The following ZFYVE26 variants were observed in gnomAD, a reference collection of about 807,000 sequenced individuals.
ZFYVE26 encodes zinc finger FYVE domain-containing protein 26.
A neutral mutation model predicts 276.5 loss-of-function variants in ZFYVE26; 181 were observed. The ratio of observed to expected loss-of-function variants is 0.65; its 90% confidence interval spans 0.58 to 0.74. ZFYVE26 has a LOEUF of 0.74. ZFYVE26 is among the 30% of genes least tolerant of loss of function. The pLI, the probability that ZFYVE26 is intolerant of heterozygous loss-of-function variation, is 0.00. For synonymous variants in ZFYVE26, 1,129 were observed against 1,203.1 expected, an observed-to-expected ratio of 0.94 and a Z score of 1.27; for missense variants, 2,821 against 3,097.9, an observed-to-expected ratio of 0.91 and a Z score of 2.12.
At chr14:67,729,306 A>G (rs960170021) in exon 14 of ZFYVE26, 2 of 1,601,854 alleles carry the variant, frequency 1.2e-6, no homozygotes, top group Non-Finnish European at 1.7e-6. Context: ...TCAAGACGGC[A>G]CGGGAGGGGG....
rs1422460981 is a variant in ZFYVE26, at chr14:67,790,778, C to G, written c.2554-5G>C. 1 of 1,613,716 alleles carries G rather than the reference C, an allele frequency of 6.2e-7. No homozygotes were observed. The highest frequency in any genetic ancestry group is 8.5e-7 in the Non-Finnish European group (1 of 1,179,804). ...CAGGTTGAACGTGAACAGCACCTGT[C>G]ATAGGAGAGGGAGTGTGTGGGCCCT... On this transcript the variant is annotated splice_polypyrimidine_tract_variant and splice_region_variant and intron_variant, in intron 14 of 41. Transcript: ENST00000347230.
chr14:67,733,608 A>T (rs1220194721), intron 13 of ZFYVE26: 1 of 621,262 alleles, frequency 1.6e-6, no homozygotes, highest in Non-Finnish European at 3.0e-6. Flanking sequence ...TTTGGAGTGC[A>T]TTTTGTATAA....
rs1436103545 is a variant in ZFYVE26, at chr14:67,735,217, G to C, written n.2680-5398C>G. On this transcript the variant is annotated intron_variant and non_coding_transcript_variant, in intron 13 of 14. Coordinates refer to the ZFYVE26 transcript ENST00000394455. ...CAGATTCCAGACTCCATCATTTCTC[G>C]TGGTGTTCAGGTGCTCCCACGAGAC... is the stretch of plus-strand genomic sequence containing the variant. 2.1e-6 allele frequency: 3 copies of C among 1,460,404 alleles called. No individual in the cohort carries two copies. The East Asian group carries it at 6.8e-5, about 33-fold the overall frequency. The allele number at this position is 1,460,404 out of a possible 1,614,324, so 90.5% of individuals were successfully genotyped here.
At chr14:67,743,002 G>C (rs988861953), downstream of ZFYVE26, among the ~76,000 whole-genome samples, 1 of 150,694 alleles carries the variant, frequency 6.6e-6, no homozygotes, top group Non-Finnish European at 1.5e-5. Flanking sequence ...ACTATGCCTG[G>C]CTAATTTTCT....
chr14:67,743,463 C>G (rs2038442765), downstream of ZFYVE26, among the ~76,000 whole-genome samples: 1 of 150,602 alleles, frequency 6.6e-6, no homozygotes, highest in Non-Finnish European at 1.5e-5. Context: ...TGCATTCCAG[C>G]CTGAGGGACA....
intron 36 of ZFYVE26, 142 bp downstream of exon 36, chr14:67,755,806 G>A (rs1228421082): frequency 1.1e-6 from 1 of 951,036 alleles, no homozygotes; most frequent in Admixed American, 1.8e-5. Flanking sequence ...CAATACTGGA[G>A]AGCAACATGG....
At position 67,754,139 on chromosome 14, in the gene ZFYVE26, G is replaced by A. The variant is rs1131691949; in HGVS notation, c.7060C>T (p.Gln2354Ter). The A allele has an allele frequency of 6.2e-7, 1 of 1,614,252 alleles. No homozygotes were observed. ...LHRCESAGTS[Q>*]ITTLPLPTLF... Reference sequence around the variant, plus strand: ...GTTGGCAGAGGCAAAGTGGTGATTTGAGAGGTCCCAGCACTTTCGCACCGA... The same window carrying A: ...GTTGGCAGAGGCAAAGTGGTGATTTAAGAGGTCCCAGCACTTTCGCACCGA... Residue 2354 changes from glutamine (Q) to a stop codon, truncating the protein, a stop_gained, in exon 38 of 42, where the codon CAA (glutamine) becomes TAA (stop). Coordinates refer to ENST00000347230, the MANE Select transcript of ZFYVE26 (RefSeq NM_015346.4). LOFTEE classifies it high-confidence loss of function.
intron 13 of ZFYVE26, among the ~76,000 whole-genome samples, chr14:67,731,630 GTAAT>G (rs1376869065): frequency 2.0e-5 from 3 of 151,818 alleles, no homozygotes; most frequent in Non-Finnish European, 2.9e-5. Context: ...AATATAATAT[GTAAT>G]TAATATAAAA....
chr14:67,806,694 G>C lies in ZFYVE26; in HGVS notation c.887-19C>G, dbSNP rs200261586. 3.7e-6 allele frequency: 6 copies of C among 1,611,192 alleles called. No homozygotes were observed. The highest frequency in any genetic ancestry group is 5.1e-6 in the Non-Finnish European group (6 of 1,178,456). On this transcript the variant is annotated intron_variant, in intron 5 of 41. Transcript: ENST00000347230. ...GGTGAGACTGAACATCAAACAAGAC[G>C]GTTATCAGGAAACCAAGAACTCTTC...
In ZFYVE26 at chr14:67,783,134, G is replaced by A. The variant is rs752300050; in HGVS notation, c.4018C>T (p.Arg1340Cys). The A allele has an allele frequency of 9.3e-6, 15 of 1,608,332 alleles. No individual in the cohort carries two copies. The highest frequency in any genetic ancestry group is 3.3e-4 in the Middle Eastern group (2 of 6,042). ...SKPSLSWKEL[R>C]GRREVPLAAE... ...GCCAGAGGCACCTCCCTGCGGCCAC[G>A]AAGTTCCTTCCATGACAAGCTGGGT... The change falls in exon 21 of 42, where the codon CGT becomes TGT. Residue 1340 changes from arginine (R) to cysteine (C), a missense_variant. Arg to Cys is a radical substitution (Grantham distance 180). Transcript: ENST00000347230.
intron 16 of ZFYVE26, 57 bp downstream of exon 16, chr14:67,789,278 T>A (rs554580926): frequency 9.9e-6 from 16 of 1,610,124 alleles, no homozygotes; most frequent in Non-Finnish European, 3.4e-6. Flanking sequence ...TTATCAAGAC[T>A]CTCAGAAACC....
chr14:67,797,936 C>T (rs2039991239), intron 11 of ZFYVE26, 78 bp downstream of exon 11: 4 of 1,608,608 alleles, frequency 2.5e-6, no homozygotes, highest in Admixed American at 1.7e-5. Flanking sequence ...CTCCTATGTA[C>T]TCCTAGCTCT....
rs1485833428 is a variant in ZFYVE26 at position 67,748,094 on chromosome 14, TGGA to T, written c.*339_*341del. The T allele has an allele frequency of 3.2e-6, 1 of 313,690 alleles. No homozygotes were observed. The highest frequency in any genetic ancestry group is 7.0e-5 in the East Asian group (1 of 14,272). 19.4% of individuals were successfully genotyped at this position (313,690 alleles called of 1,614,324 possible). A position where few individuals can be genotyped will look rare whatever the true frequency, so the allele number is the denominator to read the frequency against. On this transcript the variant is annotated 3_prime_UTR_variant, in exon 42 of 42. Coordinates refer to ENST00000347230, the MANE Select transcript of ZFYVE26 (RefSeq NM_015346.4). Reference sequence around the variant, plus strand: ...TCTAAAGTAAAGTGCCTCTTTTAAATGGAGAAGAGTTTCATTTGTTCAGAAATG... The same window carrying T: ...TCTAAAGTAAAGTGCCTCTTTTAAATGAAGAGTTTCATTTGTTCAGAAATG...
In ZFYVE26 at chr14:67,762,810, G is replaced by A. The variant is rs142479838; in HGVS notation, c.6021C>T (p.Ser2007=). The change falls in exon 33 of 42, where the codon AGC becomes AGT. Residue 2007 remains serine, a synonymous_variant. Transcript: ENST00000347230. ...QDLALCDSYI[S]KVDVLNILVA... ...CTAAAATATTCAGCACATCTACCTT[G>A]CTGATGTAGCTACAAGGAGGAAAAG... The A allele has an allele frequency of 1.9e-6, 3 of 1,613,900 alleles. No individual in the cohort carries two copies. Among genetic ancestry groups the A allele is most frequent in the Non-Finnish European group, 2.5e-6 (3 of 1,180,046 alleles).
At chr14:67,790,850 C>T in intron 14 of ZFYVE26, 77 bp from the exon 15 acceptor site, 2 of 1,363,576 alleles carry the variant, frequency 1.5e-6, no homozygotes, top group Non-Finnish European at 2.1e-6. Context: ...GAGATCTTGC[C>T]AACCATTAGA....
Position 67,751,124 on chromosome 14 carries a change from G to C in ZFYVE26, c.7372-28C>G, listed in dbSNP as rs758400820. ...GTGCAGAACAGAAACAGCACTGTGAGAGGGAGAAGAGTCCCGCAGTCTGGG... is the reference window on the plus strand; with the variant it reads ...GTGCAGAACAGAAACAGCACTGTGACAGGGAGAAGAGTCCCGCAGTCTGGG... On this transcript the variant is annotated intron_variant, in intron 40 of 41. Transcript: ENST00000347230. The C allele has an allele frequency of 1.6e-5, 26 of 1,614,072 alleles. No individual in the cohort carries two copies. The African/African-American group carries it at 2.4e-4, about 15-fold the overall frequency.
At chr14:67,761,699 T>C (rs1023470923) in intron 34 of ZFYVE26, 115 bp from the exon 35 acceptor site, 1 of 873,868 alleles carries the variant, frequency 1.1e-6, no homozygotes, top group African/African-American at 1.7e-5. Flanking sequence ...GGCACATGTA[T>C]ACATATGTAA....
rs558883400 is a variant in ZFYVE26, at chr14:67,787,147, C to T, written c.3020-914G>A. Among the ~76,000 whole-genome samples the T allele has an allele frequency of 5.3e-5, 8 of 152,090 alleles. No individual in the cohort carries two copies. In the East Asian group the frequency reaches 1.5e-3, roughly 29 times the overall value. ...CCTGTAATCCCAGCACTTTGGGAGG[C>T]TGAGGTGGGTGGATGGTGAAACCCC... On this transcript the variant is annotated intron_variant, in intron 16 of 41. Transcript: ENST00000347230.
chr14:67,750,906 C>T (rs958785343), intron 41 of ZFYVE26, 146 bp downstream of exon 41: 1 of 1,043,480 alleles, frequency 9.6e-7, no homozygotes. Context: ...ACACCCCTAT[C>T]CAAGCCTCAG....
Sources: gnomAD v4.1 joint callset for allele counts (sites outside exome capture counted in the v4.1 genomes callset) on GRCh38, gnomAD v4.1.1 for gene constraint, MANE v1.5 for transcripts, NCBI Gene and HGNC (gene_info 2026-07-23, HGNC 2026-07-21) for gene names.